The following LYRM7 variants were observed in gnomAD, a reference collection of about 807,000 sequenced individuals.
The protein encoded by LYRM7 is complex III assembly factor LYRM7.
LYRM7 carries 9 observed loss-of-function variants against 15.8 expected under a neutral mutation model. That is an observed-to-expected ratio of 0.57 (90% CI 0.34 to 0.99). The LOEUF (loss-of-function observed/expected upper bound fraction) is 0.99, where lower values mean the gene tolerates loss of function less well. LYRM7 is among the 50% of genes least tolerant of loss of function. The pLI, the probability that LYRM7 is intolerant of heterozygous loss-of-function variation, is 0.02. For missense variants in LYRM7, 115 were observed against 119.1 expected (o/e 0.97, Z 0.16); for synonymous variants, 39 against 39.4 (o/e 0.99, Z 0.04).
chr5:131,194,160 T>C (rs17593779), intron 4 of LYRM7, among the ~76,000 whole-genome samples: 14,386 of 152,236 alleles, frequency 0.094, 850 homozygotes, highest in South Asian at 0.14. Flanking sequence ...AAGGCTGTTA[T>C]AGTACTCAGT....
chr5:131,187,524 G>A (rs1316508427), intron 4 of LYRM7, among the ~76,000 whole-genome samples: 3 of 149,992 alleles, frequency 2.0e-5, no homozygotes, highest in Non-Finnish European at 3.0e-5. Context: ...TCACTCTGTC[G>A]CCCAGGCTGG....
Position 131,201,121 on chromosome 5 carries a change from C to T in LYRM7, c.*1520C>T, listed in dbSNP as rs1756055770. The T allele has an allele frequency of 6.6e-6, 1 of 151,322 alleles. No individual in the cohort carries two copies. Among genetic ancestry groups the T allele is most frequent in the South Asian group, 2.1e-4 (1 of 4,792 alleles). The allele number at this position is 151,322 out of a possible 1,614,324, so 9.4% of individuals were successfully genotyped here. Reference sequence around the variant, plus strand: ...ACAAGGTCAGGAGTTCGAGACCAGCCTGGCCAATGTGGTGAAACCCCATCT... The same window carrying T: ...ACAAGGTCAGGAGTTCGAGACCAGCTTGGCCAATGTGGTGAAACCCCATCT... On this transcript the variant is annotated 3_prime_UTR_variant, in exon 5 of 5. Transcript: ENST00000379380.
chr5:131,193,054 C>A (rs955770677), intron 4 of LYRM7, among the ~76,000 whole-genome samples: 1 of 152,044 alleles, frequency 6.6e-6, no homozygotes, highest in Non-Finnish European at 1.5e-5. Context: ...TTAACTTCCT[C>A]TCTGGCATAT....
At position 131,181,302 on chromosome 5, in the gene LYRM7, A is replaced by AAATAT. The variant is rs1554089865; in HGVS notation, c.92-926_92-925insATATA. 5.7e-4 allele frequency among the ~76,000 whole-genome samples: 5 copies of AAATAT among 8,768 alleles called. 2 individuals are homozygous for AAATAT. The highest frequency in any genetic ancestry group is 6.7e-4 in the Non-Finnish European group (2 of 2,994). 5.8% of individuals were successfully genotyped at this position (8,768 alleles called of 152,430 possible). ...AAAAAAAAAAAAAAAAAAAAAAAAA[A>AAATAT]ATATATATATATATACACACACACA... On this transcript the variant is annotated intron_variant, in intron 2 of 4. Coordinates refer to ENST00000379380, the MANE Select transcript of LYRM7 (RefSeq NM_181705.4).
At chr5:131,187,468 T>A (rs1206496865) in intron 4 of LYRM7, among the ~76,000 whole-genome samples, 1 of 149,114 alleles carries the variant, frequency 6.7e-6, no homozygotes, top group East Asian at 2.0e-4. Context: ...TTTTGTTTTT[T>A]GTTTTTTTGT....
intron 4 of LYRM7, among the ~76,000 whole-genome samples, chr5:131,188,496 T>G (rs2149663641): frequency 6.6e-6 from 1 of 152,090 alleles, no homozygotes; most frequent in East Asian, 1.9e-4. Flanking sequence ...CTCTGGTAAC[T>G]AATGAATGAT....
chr5:131,177,343 T>C (rs1755617564), intron 1 of LYRM7, among the ~76,000 whole-genome samples: 1 of 152,244 alleles, frequency 6.6e-6, no homozygotes, highest in Non-Finnish European at 1.5e-5. Flanking sequence ...ACCTGTCTCC[T>C]GGGTTCCCAT....
intron 4 of LYRM7, among the ~76,000 whole-genome samples, chr5:131,198,599 G>T (rs1185579763): frequency 6.6e-6 from 1 of 151,654 alleles, no homozygotes; most frequent in African/African-American, 2.4e-5. Flanking sequence ...CTGCCACTGT[G>T]TCCCCCAGGC....
chr5:131,174,761 T>A (rs1179827605), intron 1 of LYRM7, among the ~76,000 whole-genome samples: 2 of 152,100 alleles, frequency 1.3e-5, no homozygotes, highest in Non-Finnish European at 2.9e-5. Context: ...GGAGGATCGC[T>A]TGAGCCCAGA....
rs1756138020 is a variant in LYRM7, at chr5:131,204,512, A to ACG, written c.*4912_*4913insGC. On this transcript the variant is annotated 3_prime_UTR_variant, in exon 5 of 5. Transcript: ENST00000379380. ...CACACACACACACACACACACACAC[A>ACG]CAGTTTGGGTATCCCTAATCCAGAA... 6.8e-6 allele frequency: 1 copy of ACG among 146,206 alleles called. No homozygotes were observed. Among genetic ancestry groups the ACG allele is most frequent in the Non-Finnish European group, 1.5e-5 (1 of 67,374 alleles). The allele number at this position is 146,206 out of a possible 1,614,324, so 9.1% of individuals were successfully genotyped here.
chr5:131,198,606 A>C (rs1756009333), intron 4 of LYRM7, among the ~76,000 whole-genome samples: 1 of 151,828 alleles, frequency 6.6e-6, no homozygotes, highest in South Asian at 2.1e-4. Context: ...TGTGTCCCCC[A>C]GGCTGGAGTG....
chr5:131,188,115 G>T (rs75917910), intron 4 of LYRM7, among the ~76,000 whole-genome samples: 2,107 of 152,038 alleles, frequency 0.014, 39 homozygotes, highest in African/African-American at 0.045. Flanking sequence ...AAGTTATCAG[G>T]ATGCAGTGGT....
chr5:131,193,627 A>G (rs115475406), intron 4 of LYRM7, among the ~76,000 whole-genome samples: 2,161 of 152,292 alleles, frequency 0.014, 46 homozygotes, highest in African/African-American at 0.05. Context: ...CACTATTATA[A>G]ACTATGCTAT....
intron 3 of LYRM7, among the ~76,000 whole-genome samples, chr5:131,184,454 G>A (rs1755761288): frequency 6.6e-6 from 1 of 152,066 alleles, no homozygotes; most frequent in Non-Finnish European, 1.5e-5. Flanking sequence ...CGACCCTCCT[G>A]CCTTAGCCTC....
chr5:131,182,287 GA>G lies in LYRM7; in HGVS notation c.154del (p.Ile52Ter). 7.1e-7 allele frequency: 1 copy of G among 1,406,452 alleles called. No homozygotes were observed. Among genetic ancestry groups the G allele is most frequent in the Non-Finnish European group, 9.6e-7 (1 of 1,039,840 alleles). 87.1% of individuals were successfully genotyped at this position (1,406,452 alleles called of 1,614,324 possible). On this transcript the variant is annotated frameshift_variant, in exon 3 of 5. Transcript: ENST00000379380. LOFTEE classifies it high-confidence loss of function. ...ATAATAAAAGTGAAACTTCTTCTAA[GA>G]AAATAGAAGAGGTACAGTAATTTTT... The part of the protein sequence containing the change: ...KNNKSETSSK[K>X]IEELMKIGSD...
In LYRM7 at chr5:131,170,997, G is replaced by A. The variant is rs956943202; in HGVS notation, c.-24G>A. On this transcript the variant is annotated 5_prime_UTR_variant, in exon 1 of 5. Transcript: ENST00000379380. ...GCGGGGCTACTCGACTGCTCTGGAG[G>A]TAGCGGCCGCGGTGAGGAGAGCCAT... The A allele has an allele frequency of 1.3e-6, 2 of 1,543,556 alleles. No homozygotes were observed. Among genetic ancestry groups the A allele is most frequent in the South Asian group, 1.2e-5 (1 of 80,966 alleles).
At chr5:131,184,689 C>T (rs1755768321) in intron 3 of LYRM7, among the ~76,000 whole-genome samples, 1 of 151,298 alleles carries the variant, frequency 6.6e-6, no homozygotes, top group African/African-American at 2.4e-5. Context: ...CTCATCTTCT[C>T]TGGACCCGCC....
At position 131,170,953 on chromosome 5, in the gene LYRM7, TTTGA is replaced by T. The variant is rs1254862955; in HGVS notation, c.-64_-61del. Reference sequence around the variant, plus strand: ...ACAGGGGGCTGGAAACAGTTCAGTCTTTGATTGGTTGCTGAGAGGCGGGGCTACT... The same window carrying T: ...ACAGGGGGCTGGAAACAGTTCAGTCTTTGGTTGCTGAGAGGCGGGGCTACT... On this transcript the variant is annotated 5_prime_UTR_variant, in exon 1 of 5. Transcript: ENST00000379380. 4 of 1,523,658 alleles carry T rather than the reference TTTGA, an allele frequency of 2.6e-6. No homozygotes were observed. Among genetic ancestry groups the T allele is most frequent in the African/African-American group, 1.4e-5 (1 of 70,248 alleles). The allele number at this position is 1,523,658 out of a possible 1,614,324, so 94.4% of individuals were successfully genotyped here. A position where few individuals can be genotyped will look rare whatever the true frequency, so the allele number is the denominator to read the frequency against.
intron 4 of LYRM7, among the ~76,000 whole-genome samples, chr5:131,198,071 A>G (rs1207815366): frequency 6.6e-6 from 1 of 152,042 alleles, no homozygotes; most frequent in African/African-American, 2.4e-5. Flanking sequence ...AGTTGCAGAC[A>G]TAATGCCTAT....
Sources: gnomAD v4.1 joint callset for allele counts (sites outside exome capture counted in the v4.1 genomes callset) on GRCh38, gnomAD v4.1.1 for gene constraint, MANE v1.5 for transcripts, NCBI Gene and HGNC (gene_info 2026-07-23, HGNC 2026-07-21) for gene names.